ZPBP: variants seen among roughly 807,000 people sequenced by gnomAD.
The protein encoded by ZPBP is zona pellucida binding protein.
ZPBP carries 26 observed loss-of-function variants against 44.8 expected under a neutral mutation model. The observed-to-expected ratio is 0.58, with a 90% CI of 0.43 to 0.81. The LOEUF is 0.81. Among genes scored for constraint, ZPBP ranks in the 30% least tolerant of loss-of-function variants. The probability of loss-of-function intolerance (pLI) is 0.00; values close to 1 mark genes in which losing one functional copy is unlikely to be tolerated. For missense variants in ZPBP, 409 were observed against 434.0 expected, an observed-to-expected ratio of 0.94 and a Z score of 0.51; for synonymous variants, 174 against 153.2, an observed-to-expected ratio of 1.14 and a Z score of -1.00.
chr7:49,916,723 T>C (rs1463248406), intron 1 of ZPBP: 1 of 152,252 alleles, frequency 6.6e-6, no homozygotes, highest in Non-Finnish European at 1.5e-5. Flanking sequence ...AAGGACAATG[T>C]ATGTATTAAA....
chr7:49,902,660 T>C (rs1177348209), intron 1 of ZPBP, among the ~76,000 whole-genome samples: 1 of 151,940 alleles, frequency 6.6e-6, no homozygotes, highest in African/African-American at 2.4e-5. Context: ...ATAACATTCT[T>C]ATGAAATAAC....
rs368586008 is a variant in ZPBP at position 49,916,655 on chromosome 7, A to G, written n.412-15440T>C. On this transcript the variant is annotated intron_variant and non_coding_transcript_variant, in intron 1 of 2. Coordinates refer to the ZPBP transcript ENST00000465922. ...AAACATCACCCAATATCTATATGTT[A>G]AAGGCTTGTTGAATTGTATTCCATC... The G allele has an allele frequency of 1.3e-4, 20 of 152,342 alleles. No individual in the cohort carries two copies. In the East Asian group the frequency reaches 1.3e-3, roughly 10 times the overall value. The allele number at this position is 152,342 out of a possible 1,614,324, so 9.4% of individuals were successfully genotyped here.
intron 7 of ZPBP, among the ~76,000 whole-genome samples, chr7:49,969,508 T>C (rs1796195827): frequency 1.7e-5 from 1 of 57,502 alleles, no homozygotes; most frequent in Non-Finnish European, 3.8e-5. Flanking sequence ...AATAGTATGG[T>C]CAAAAAAAAA....
At chr7:49,876,225 A>C (rs1791409557) in intron 2 of ZPBP, among the ~76,000 whole-genome samples, 3 of 152,190 alleles carry the variant, frequency 2.0e-5, no homozygotes, top group Admixed American at 1.3e-4. Context: ...ATAGTAAGAT[A>C]CCGAAATGTT....
chr7:49,851,763 A>G (rs545848855), intron 2 of ZPBP, among the ~76,000 whole-genome samples: 117 of 152,204 alleles, frequency 7.7e-4, no homozygotes, highest in Admixed American at 2.2e-3. Flanking sequence ...GAGGCTGAGT[A>G]AGGAGAATCG....
downstream of ZPBP, among the ~76,000 whole-genome samples, chr7:49,937,230 A>G (rs923404039): frequency 6.6e-6 from 1 of 152,196 alleles, no homozygotes; most frequent in Non-Finnish European, 1.5e-5. Flanking sequence ...ATAAAACAGA[A>G]TATTTCTGAA....
chr7:49,957,682 G>A (rs1583913655), intron 7 of ZPBP, among the ~76,000 whole-genome samples: 1 of 152,160 alleles, frequency 6.6e-6, no homozygotes, highest in African/African-American at 2.4e-5. Context: ...ACAACCTAGG[G>A]GCCCAGGCAG....
intron 7 of ZPBP, among the ~76,000 whole-genome samples, chr7:49,979,864 A>G (rs1322869771): frequency 7.9e-6 from 1 of 126,526 alleles, no homozygotes; most frequent in South Asian, 2.3e-4. Flanking sequence ...ATATAATATA[A>G]TATAATATAT....
At chr7:50,065,789 T>A (rs1801473961) in intron 3 of ZPBP, among the ~76,000 whole-genome samples, 1 of 151,084 alleles carries the variant, frequency 6.6e-6, no homozygotes, top group Non-Finnish European at 1.5e-5. Context: ...GAATGACTTA[T>A]GGACCTGGAA....
chr7:50,016,638 G>T (rs1798834572), intron 6 of ZPBP, among the ~76,000 whole-genome samples: 1 of 152,154 alleles, frequency 6.6e-6, no homozygotes, highest in Non-Finnish European at 1.5e-5. Context: ...AAATGGGTCA[G>T]ATTCCTTCCC....
chr7:49,856,468 T>G (rs1790420964), intron 2 of ZPBP, among the ~76,000 whole-genome samples: 1 of 152,226 alleles, frequency 6.6e-6, no homozygotes, highest in South Asian at 2.1e-4. Context: ...CTGCAGATCA[T>G]GAGCCAAATA....
chr7:49,885,383 TAC>T (rs1415441947), intron 2 of ZPBP, among the ~76,000 whole-genome samples: 3 of 152,070 alleles, frequency 2.0e-5, no homozygotes, highest in Non-Finnish European at 4.4e-5. Flanking sequence ...TATAAATATA[TAC>T]AATTATGTTC....
intron 2 of ZPBP, among the ~76,000 whole-genome samples, chr7:49,854,401 T>C (rs13312148): frequency 0.8 from 120,782 of 151,394 alleles, 48,360 homozygotes; most frequent in East Asian, 0.91. Flanking sequence ...TAATGATCGC[T>C]ATTCTAACTG....
At chr7:49,889,489 C>A (rs1221081908) in intron 2 of ZPBP, among the ~76,000 whole-genome samples, 2 of 152,268 alleles carry the variant, frequency 1.3e-5, no homozygotes, top group African/African-American at 4.8e-5. Context: ...AAAATCAGGG[C>A]AGCTAAGACA....
chr7:50,075,954 A>G (rs184270168), intron 3 of ZPBP, among the ~76,000 whole-genome samples: 42 of 152,126 alleles, frequency 2.8e-4, no homozygotes, highest in Admixed American at 7.2e-4. Flanking sequence ...CATCATAAAA[A>G]GAAAACTACA....
intron 6 of ZPBP, among the ~76,000 whole-genome samples, chr7:50,016,808 A>G (rs1411116198): frequency 6.6e-6 from 1 of 152,168 alleles, no homozygotes; most frequent in East Asian, 1.9e-4. Flanking sequence ...TTAAAAACTG[A>G]GAGAAGAAAA....
chr7:50,030,284 G>C (rs1002918201), intron 5 of ZPBP, among the ~76,000 whole-genome samples: 1 of 152,068 alleles, frequency 6.6e-6, no homozygotes, highest in Non-Finnish European at 1.5e-5. Flanking sequence ...GAGGGCAGAG[G>C]AGAAGGAAAG....
At chr7:49,961,376 C>T (rs1032141337) in intron 7 of ZPBP, among the ~76,000 whole-genome samples, 3 of 152,134 alleles carry the variant, frequency 2.0e-5, no homozygotes, top group Non-Finnish European at 4.4e-5. Context: ...ATATATACTA[C>T]ATGTCTATTT....
chr7:50,059,944 G>A (rs1584141965), intron 3 of ZPBP, among the ~76,000 whole-genome samples: 1 of 152,002 alleles, frequency 6.6e-6, no homozygotes, highest in African/African-American at 2.4e-5. Context: ...AAGAAGACTA[G>A]CACACTCTGA....
Sources: allele counts gnomAD v4.1 joint callset (sites outside exome capture counted in the v4.1 genomes callset), GRCh38; gene constraint gnomAD v4.1.1; transcripts MANE v1.5; gene names NCBI Gene and HGNC (gene_info 2026-07-23, HGNC 2026-07-21).